Variants in SPTLC3 observed in about 807,000 individuals in gnomAD.
SPTLC3 encodes serine palmitoyltransferase 3.
SPTLC3 carries 36 observed loss-of-function variants against 59.3 expected under a neutral mutation model. That is an observed-to-expected ratio of 0.61 (90% confidence interval 0.47 to 0.80). SPTLC3 has a LOEUF of 0.80. SPTLC3 is among the 30% of genes least tolerant of loss of function. The pLI is 0.00. For synonymous variants in SPTLC3, 257 were observed against 240.8 expected (o/e 1.07, Z -0.62); for missense variants, 625 against 685.1 (o/e 0.91, Z 0.98).
chr20:13,028,820 G>A (rs1986286580), intron 1 of SPTLC3, among the ~76,000 whole-genome samples: 1 of 152,182 alleles, frequency 6.6e-6, no homozygotes, highest in Admixed American at 6.5e-5. Context: ...TCACAAGAGT[G>A]TGATATTCAG....
chr20:13,048,848 C>A, intron 1 of SPTLC3, 97 bp from the exon 2 acceptor site: 1 of 1,091,048 alleles, frequency 9.2e-7, no homozygotes, highest in Non-Finnish European at 1.3e-6. Flanking sequence ...TAAATATGGC[C>A]TTTGGAATTC....
Position 13,068,115 on chromosome 20 carries a change from G to T in SPTLC3, c.304-4141G>T, listed in dbSNP as rs184929635. On this transcript the variant is annotated intron_variant, in intron 2 of 11. Coordinates refer to ENST00000399002, the MANE Select transcript of SPTLC3 (RefSeq NM_018327.4). The stretch of plus-strand genomic sequence containing the variant: ...TCAACTTATCTATAAAAGTTTGATA[G>T]AAATATCTATAACACTTGGAAAATT... Among the ~76,000 whole-genome samples the T allele has an allele frequency of 3.5e-4, 53 of 152,306 alleles. 1 individual carries two copies. Among genetic ancestry groups the T allele is most frequent in the Admixed American group, 3.4e-3 (52 of 15,302 alleles).
At chr20:13,111,589 A>G (rs550328621) in intron 7 of SPTLC3, among the ~76,000 whole-genome samples, 2 of 152,328 alleles carry the variant, frequency 1.3e-5, no homozygotes, top group Admixed American at 6.5e-5. Context: ...AAATAATCTC[A>G]TATTGACTCT....
At chr20:13,151,314 T>G (rs1175415063) in intron 9 of SPTLC3, among the ~76,000 whole-genome samples, 1 of 152,248 alleles carries the variant, frequency 6.6e-6, no homozygotes, top group Non-Finnish European at 1.5e-5. Context: ...ATATTTATTG[T>G]CTCTTTTTCA....
intron 9 of SPTLC3, among the ~76,000 whole-genome samples, chr20:13,142,887 C>T (rs953165441): frequency 2.6e-5 from 4 of 152,010 alleles, no homozygotes; most frequent in African/African-American, 9.7e-5. Flanking sequence ...CGGAGAGTCT[C>T]CCTCACATCA....
intron 1 of SPTLC3, among the ~76,000 whole-genome samples, chr20:13,020,211 A>C (rs1368348303): frequency 6.6e-6 from 1 of 152,140 alleles, no homozygotes; most frequent in African/African-American, 2.4e-5. Flanking sequence ...TTAGACATTT[A>C]TTTAAAAATT....
chr20:13,023,839 T>TA (rs1194814958), intron 1 of SPTLC3, among the ~76,000 whole-genome samples: 1 of 152,198 alleles, frequency 6.6e-6, no homozygotes, highest in African/African-American at 2.4e-5. Context: ...TAAAATATTA[T>TA]TAATTCATCT....
chr20:13,014,636 C>T (rs190346698), intron 1 of SPTLC3, among the ~76,000 whole-genome samples: 1 of 151,926 alleles, frequency 6.6e-6, no homozygotes, highest in South Asian at 2.1e-4. Context: ...GAGGTGAACC[C>T]AGGAAGCACA....
intron 6 of SPTLC3, among the ~76,000 whole-genome samples, chr20:13,108,620 G>A (rs1193846198): frequency 6.6e-6 from 1 of 152,118 alleles, no homozygotes; most frequent in African/African-American, 2.4e-5. Context: ...TGTCACCCAG[G>A]CTGAAGTGCA....
At chr20:13,143,075 T>A (rs1015579198) in intron 9 of SPTLC3, among the ~76,000 whole-genome samples, 2 of 152,222 alleles carry the variant, frequency 1.3e-5, no homozygotes, top group Non-Finnish European at 2.9e-5. Context: ...TCTGTGATCA[T>A]CTGCTTCAAC....
chr20:13,068,393 T>C lies in SPTLC3; in HGVS notation c.304-3863T>C, dbSNP rs1020673891. Reference sequence around the variant, plus strand: ...TAAAGATATATCCTATTGCAATGCTTTTGTTTTTGAAATATCAAGTCCAGC... The same window carrying C: ...TAAAGATATATCCTATTGCAATGCTCTTGTTTTTGAAATATCAAGTCCAGC... On this transcript the variant is annotated intron_variant, in intron 2 of 11. Transcript: ENST00000399002. Among the ~76,000 whole-genome samples the C allele has an allele frequency of 5.9e-5, 9 of 152,230 alleles. 1 individual carries two copies. The South Asian group carries it at 6.2e-4, about 10-fold the overall frequency.
At chr20:13,011,457 C>G (rs1293161734) in intron 1 of SPTLC3, among the ~76,000 whole-genome samples, 1 of 152,210 alleles carries the variant, frequency 6.6e-6, no homozygotes, top group Non-Finnish European at 1.5e-5. Context: ...TTATTTGCAA[C>G]CACACAGCAA....
chr20:13,153,838 A>G (rs913552485), intron 9 of SPTLC3, among the ~76,000 whole-genome samples, 165 bp from the exon 10 acceptor site: 2 of 152,106 alleles, frequency 1.3e-5, no homozygotes, highest in Non-Finnish European at 2.9e-5. Context: ...CCTGGGCATC[A>G]GTGCCCACAC....
chr20:13,162,760 C>T (rs539546202), intron 11 of SPTLC3, among the ~76,000 whole-genome samples: 5 of 152,292 alleles, frequency 3.3e-5, no homozygotes, highest in South Asian at 2.1e-4. Flanking sequence ...AGCCAGTGAA[C>T]TGCTCCCACT....
intron 8 of SPTLC3, among the ~76,000 whole-genome samples, chr20:13,119,163 T>C (rs1450101517): frequency 6.6e-6 from 1 of 152,244 alleles, no homozygotes; most frequent in African/African-American, 2.4e-5. Flanking sequence ...TGTGAGCTTG[T>C]GGTTTTGTGA....
At chr20:13,146,035 T>C (rs970048982) in intron 9 of SPTLC3, among the ~76,000 whole-genome samples, 4 of 152,194 alleles carry the variant, frequency 2.6e-5, no homozygotes, top group Non-Finnish European at 5.9e-5. Flanking sequence ...TAAATCCTTA[T>C]CAATGACAGA....
chr20:13,116,947 C>T (rs1055766267), intron 7 of SPTLC3, among the ~76,000 whole-genome samples: 9 of 152,202 alleles, frequency 5.9e-5, no homozygotes, highest in Non-Finnish European at 1.2e-4. Flanking sequence ...GGAGACACCT[C>T]GGTCTTTGAC....
rs2038990266 is a variant in SPTLC3, at chr20:13,166,803, A to G, written c.*1936A>G. On this transcript the variant is annotated 3_prime_UTR_variant, in exon 12 of 12. Transcript: ENST00000399002. ...TGTTTACACACACCTTCACATCTAC[A>G]CTTCAAGTTTTAAGCCCCTAGACAT... 2 of 152,164 alleles carry G rather than the reference A, an allele frequency of 1.3e-5. No homozygotes were observed. Among genetic ancestry groups the G allele is most frequent in the Admixed American group, 1.3e-4 (2 of 15,270 alleles). The allele number at this position is 152,164 out of a possible 1,614,324, so 9.4% of individuals were successfully genotyped here. A position where few individuals can be genotyped will look rare whatever the true frequency, so the allele number is the denominator to read the frequency against.
chr20:13,059,626 T>C (rs1017636409), intron 2 of SPTLC3, among the ~76,000 whole-genome samples: 1 of 152,210 alleles, frequency 6.6e-6, no homozygotes, highest in Non-Finnish European at 1.5e-5. Context: ...CAACAGCTGA[T>C]AATACCAGAT....
Sources: allele counts gnomAD v4.1 joint callset (sites outside exome capture counted in the v4.1 genomes callset), GRCh38; gene constraint gnomAD v4.1.1; transcripts MANE v1.5; gene names NCBI Gene and HGNC (gene_info 2026-07-23, HGNC 2026-07-21).